EDA: variants seen among roughly 807,000 people sequenced by gnomAD.
EDA encodes the protein ectodysplasin-A.
EDA carries 2 observed loss-of-function variants against 23.6 expected under a neutral mutation model. That is an observed-to-expected ratio of 0.08 (90% CI 0.03 to 0.27). EDA has a LOEUF of 0.27. EDA is among the 10% of genes least tolerant of loss of function. The probability of loss-of-function intolerance (pLI) is 1.00; values close to 1 mark genes in which losing one functional copy is unlikely to be tolerated. For missense variants in EDA, 229 were observed against 324.2 expected, an observed-to-expected ratio of 0.71 and a Z score of 2.26; for synonymous variants, 131 against 132.0, an observed-to-expected ratio of 0.99 and a Z score of 0.05.
chrX:70,000,333 G>T (rs1012850819), intron 2 of EDA, among the ~76,000 whole-genome samples: 27 of 112,325 alleles, frequency 2.4e-4, no homozygotes, highest in African/African-American at 3.6e-4. Flanking sequence ...CCAAGAGAAT[G>T]GATTAAAAAG....
chrX:69,957,430 G>A (rs1206609888), intron 2 of EDA: 2 of 237,137 alleles, frequency 8.4e-6, no homozygotes, highest in Admixed American at 1.2e-4. Flanking sequence ...AGTGAGCTGA[G>A]ACTGTGCCAC....
At position 70,035,784 on chromosome X, in the gene EDA, C is replaced by A; in HGVS notation, c.*175C>A. On this transcript the variant is annotated 3_prime_UTR_variant, in exon 8 of 8. Coordinates refer to ENST00000374552, the MANE Select transcript of EDA (RefSeq NM_001399.5). ...GGGTGACAAGGCCTGCTTGACTTTC[C>A]AGAATGACCTTGAGTTAACAGGACA... 2 of 564,530 alleles carry A rather than the reference C, an allele frequency of 3.5e-6. No individual in the cohort carries two copies. Among genetic ancestry groups the A allele is most frequent in the East Asian group, 3.5e-5 (1 of 28,735 alleles). The allele number at this position is 564,530 out of a possible 1,213,427, so 46.5% of individuals were successfully genotyped here. A position where few individuals can be genotyped will look rare whatever the true frequency, so the allele number is the denominator to read the frequency against.
intron 2 of EDA, among the ~76,000 whole-genome samples, chrX:70,003,333 A>G (rs945256752): frequency 8.9e-6 from 1 of 111,938 alleles, no homozygotes; most frequent in African/African-American, 3.2e-5. Flanking sequence ...TAGCCCTGCC[A>G]GGTAGGTATG....
chrX:69,907,193 G>A (rs72628840), intron 1 of EDA, among the ~76,000 whole-genome samples: 10,493 of 111,461 alleles, frequency 0.094, 1,076 homozygotes, highest in East Asian at 0.71. Context: ...CCCTTGTCTT[G>A]ATATACTACA....
intron 2 of EDA, among the ~76,000 whole-genome samples, chrX:70,000,926 T>C (rs1484561810): frequency 1.8e-5 from 2 of 111,845 alleles, no homozygotes; most frequent in East Asian, 2.8e-4. Flanking sequence ...GAGAAATGTA[T>C]TTCCTGGGAC....
intron 1 of EDA, among the ~76,000 whole-genome samples, chrX:69,837,702 C>G (rs1214903537): frequency 8.9e-6 from 1 of 111,861 alleles, no homozygotes; most frequent in East Asian, 2.8e-4. Context: ...GAGATCGTCA[C>G]CAGGAAATGC....
intron 1 of EDA, among the ~76,000 whole-genome samples, chrX:69,636,756 G>T: frequency 9.3e-6 from 1 of 107,597 alleles, no homozygotes; most frequent in Admixed American, 1.0e-4. Context: ...GTAACTTTTT[G>T]TTGTCATACT....
At chrX:69,766,919 A>T (rs1440119387) in intron 1 of EDA, among the ~76,000 whole-genome samples, 1 of 112,245 alleles carries the variant, frequency 8.9e-6, no homozygotes, top group Non-Finnish European at 1.9e-5. Flanking sequence ...ACAGTGTATA[A>T]GCATTCCCTT....
chrX:69,669,063 T>G (rs1176185326), intron 1 of EDA, among the ~76,000 whole-genome samples: 3 of 112,227 alleles, frequency 2.7e-5, no homozygotes, highest in Non-Finnish European at 5.6e-5. Context: ...GGAAGTCTGT[T>G]TTGTCAGATA....
intron 1 of EDA, among the ~76,000 whole-genome samples, chrX:69,765,970 C>T (rs895374985): frequency 8.0e-5 from 9 of 112,023 alleles, no homozygotes; most frequent in Admixed American, 2.8e-4. Context: ...GAAAAAGAAT[C>T]GTACAGCATG....
At chrX:69,932,601 A>G (rs1569376991) in intron 1 of EDA, among the ~76,000 whole-genome samples, 2 of 112,091 alleles carry the variant, frequency 1.8e-5, no homozygotes, top group Admixed American at 9.4e-5. Context: ...TTCTGTTCCA[A>G]GGTTACTAAT....
At chrX:69,755,369 C>T (rs141292208) in intron 1 of EDA, among the ~76,000 whole-genome samples, 165 of 111,589 alleles carry the variant, frequency 1.5e-3, no homozygotes, top group African/African-American at 5.2e-3. Flanking sequence ...GCAGAGGCTG[C>T]AGAACAGGAA....
At chrX:69,810,402 C>T (rs1468343977) in intron 1 of EDA, among the ~76,000 whole-genome samples, 1 of 104,880 alleles carries the variant, frequency 9.5e-6, no homozygotes, top group Admixed American at 1.1e-4. Flanking sequence ...CAGAGAGTTG[C>T]AATTCAGTAT....
intron 1 of EDA, among the ~76,000 whole-genome samples, chrX:69,657,793 A>C (rs1737932820): frequency 9.0e-6 from 1 of 111,460 alleles, no homozygotes; most frequent in Admixed American, 9.6e-5. Flanking sequence ...GTAGGTATGC[A>C]GCTTCATTTC....
intron 1 of EDA, among the ~76,000 whole-genome samples, chrX:69,941,023 T>C (rs1477210939): frequency 8.9e-6 from 1 of 111,979 alleles, no homozygotes; most frequent in Non-Finnish European, 1.9e-5. Context: ...AGTTTCTTCA[T>C]TGGCCCACTG....
At chrX:69,662,152 A>T (rs1933532216) in intron 1 of EDA, among the ~76,000 whole-genome samples, 1 of 111,719 alleles carries the variant, frequency 9.0e-6, no homozygotes, top group Admixed American at 9.5e-5. Context: ...CACCCATAGT[A>T]ATCACTGTTG....
intron 1 of EDA, among the ~76,000 whole-genome samples, chrX:69,839,262 T>C (rs927916903): frequency 1.8e-5 from 2 of 112,017 alleles, no homozygotes; most frequent in African/African-American, 6.5e-5. Context: ...CTATTCTCCC[T>C]TCTTAGAAAA....
At chrX:69,870,453 G>A (rs1366600112) in intron 1 of EDA, among the ~76,000 whole-genome samples, 1 of 110,914 alleles carries the variant, frequency 9.0e-6, no homozygotes, top group Non-Finnish European at 1.9e-5. Context: ...AAACAGAGAT[G>A]TTGGGGGTGG....
intron 1 of EDA, among the ~76,000 whole-genome samples, chrX:69,704,074 G>A (rs1184425359): frequency 8.9e-6 from 1 of 111,760 alleles, no homozygotes; most frequent in Non-Finnish European, 1.9e-5. Context: ...AGCCAAATAT[G>A]AATGACCAAT....
Sources: allele counts gnomAD v4.1 joint callset (sites outside exome capture counted in the v4.1 genomes callset), GRCh38; gene constraint gnomAD v4.1.1; transcripts MANE v1.5; gene names NCBI Gene and HGNC (gene_info 2026-07-23, HGNC 2026-07-21).